Variants in LAMTOR5 observed in about 807,000 individuals in gnomAD.
LAMTOR5 encodes the protein late endosomal/lysosomal adaptor, MAPK and MTOR activator 5.
In LAMTOR5, 8 loss-of-function variants were observed where a neutral mutation model predicts 12.1. The ratio of observed to expected loss-of-function variants is 0.66; its 90% CI spans 0.39 to 1.19. The LOEUF is 1.19. Among genes scored for constraint, LAMTOR5 ranks in the 50% most tolerant of loss-of-function variants. LAMTOR5 has a pLI of 0.01. For missense variants in LAMTOR5, 110 were observed against 112.8 expected, an observed-to-expected ratio of 0.97 and a Z score of 0.11; for synonymous variants, 37 against 41.9, an observed-to-expected ratio of 0.88 and a Z score of 0.45.
chr1:110,405,275 C>T (rs1294063534), intron 2 of LAMTOR5, among the ~76,000 whole-genome samples: 2 of 151,906 alleles, frequency 1.3e-5, no homozygotes, highest in African/African-American at 4.8e-5. Flanking sequence ...ATTCTCCTGC[C>T]TCAGCCTCCC....
intron 1 of LAMTOR5, 163 bp downstream of exon 1, chr1:110,407,423 G>T (rs973457405): frequency 2.3e-6 from 2 of 874,388 alleles, no homozygotes; most frequent in African/African-American, 1.7e-5. Context: ...CACCCGCCCC[G>T]CCCTGCGGCC....
Position 110,406,312 on chromosome 1 carries a change from AC to A in LAMTOR5, c.97+5del. The A allele has an allele frequency of 2.5e-6, 4 of 1,588,786 alleles. No homozygotes were observed. Among genetic ancestry groups the A allele is most frequent in the Non-Finnish European group, 3.4e-6 (4 of 1,163,220 alleles). On this transcript the variant is annotated splice_donor_5th_base_variant and intron_variant, in intron 2 of 3. Transcript: ENST00000602318. ...TCATCAAATAGTTGGTATGAGAGAT[AC>A]TTACAACCCAGATTAAGTCCTTGTG...
intron 2 of LAMTOR5, among the ~76,000 whole-genome samples, chr1:110,405,041 T>G (rs2101110454): frequency 6.8e-6 from 1 of 146,046 alleles, no homozygotes; most frequent in East Asian, 2.1e-4. Flanking sequence ...GAGCAAGATT[T>G]CGTCTCAAAA....
chr1:110,402,312 G>A (rs760453716), intron 3 of LAMTOR5, among the ~76,000 whole-genome samples: 13 of 152,044 alleles, frequency 8.6e-5, no homozygotes, highest in Non-Finnish European at 1.9e-4. Flanking sequence ...GGGCAGTGGC[G>A]TGATCTCAGC....
At chr1:110,406,911 C>A in intron 1 of LAMTOR5, 1 of 496,334 alleles carries the variant, frequency 2.0e-6, no homozygotes, top group Non-Finnish European at 3.6e-6. Flanking sequence ...GTGCTAAGTA[C>A]TGCTGAGTTC....
chr1:110,406,848 T>G (rs1663340991), intron 1 of LAMTOR5: 1 of 432,728 alleles, frequency 2.3e-6, no homozygotes, highest in African/African-American at 2.0e-5. Flanking sequence ...AAAATTTAAG[T>G]TCTAGTTAAT....
Position 110,407,658 on chromosome 1 carries a change from A to G in LAMTOR5, c.-38T>C, listed in dbSNP as rs1461089215. 6.2e-7 allele frequency: 1 copy of G among 1,614,082 alleles called. No individual in the cohort carries two copies. Among genetic ancestry groups the G allele is most frequent in the Non-Finnish European group, 8.5e-7 (1 of 1,180,016 alleles). ...CCACTCCGGCTCAGAACCCAGCGGC[A>G]CGGCACGTCCTTCTCCACCACAGGC... On this transcript the variant is annotated 5_prime_UTR_variant, in exon 1 of 4. Transcript: ENST00000602318.
intron 1 of LAMTOR5, 49 bp downstream of exon 1, chr1:110,407,537 T>C (rs1228400078): frequency 6.3e-7 from 1 of 1,589,514 alleles, no homozygotes; most frequent in African/African-American, 1.3e-5. Context: ...TCCGCTCAAG[T>C]TCCTCCGCCG....
At chr1:110,404,077 G>A in intron 2 of LAMTOR5, 41 bp from the exon 3 acceptor site, 1 of 1,599,524 alleles carries the variant, frequency 6.3e-7, no homozygotes, top group Non-Finnish European at 8.5e-7. Context: ...ATTGCTCATA[G>A]AGTATTTCTG....
rs1663362131 is a variant in LAMTOR5 at position 110,407,611 on chromosome 1, T to A, written c.10A>T (p.Thr4Ser). 1 of 1,613,932 alleles carries A rather than the reference T, an allele frequency of 6.2e-7. No homozygotes were observed. Among genetic ancestry groups the A allele is most frequent in the East Asian group, 2.2e-5 (1 of 44,848 alleles). Reference protein sequence around the residue: MEATLEQHLEDTMK... With the variant: MEASLEQHLEDTMK... The stretch of plus-strand genomic sequence containing the variant: ...GTGTCTTCCAAGTGCTGCTCCAAGG[T>A]CGCCTCCATCCCACCCACCGACCAC... The change falls in exon 1 of 4, where the codon ACC (threonine) becomes TCC (serine). Residue 4 changes from threonine (T) to serine (S), a missense_variant. By Grantham distance (58) the Thr-to-Ser change is moderately conservative. Coordinates refer to ENST00000602318, the MANE Select transcript of LAMTOR5 (RefSeq NM_001382293.1).
rs768953245 is a variant in LAMTOR5 at position 110,406,369 on chromosome 1, G to A, written c.46C>T (p.Pro16Ser). 1 of 1,608,198 alleles carries A rather than the reference G, an allele frequency of 6.2e-7. No individual in the cohort carries two copies. Among genetic ancestry groups the A allele is most frequent in the Admixed American group, 1.7e-5 (1 of 59,220 alleles). Residue 16 changes from proline to serine, a missense_variant, in exon 2 of 4, where the codon CCC (proline) becomes TCC (serine). Pro to Ser is a moderately conservative substitution (Grantham distance 74). Coordinates refer to ENST00000602318, the MANE Select transcript of LAMTOR5 (RefSeq NM_001382293.1). ...GTGCACAGGACTCCAACAATGGAGG[G>A]ATTCTTCATTCTAATTCCAGGAACA... ...EQHLEDTMKN[P>S]SIVGVLCTDS...
intron 2 of LAMTOR5, 45 bp from the exon 3 acceptor site, chr1:110,404,081 A>G: frequency 6.3e-7 from 1 of 1,598,174 alleles, no homozygotes; most frequent in Non-Finnish European, 8.5e-7. Flanking sequence ...CTCATAGAGT[A>G]TTTCTGCTAA....
chr1:110,404,698 TTAAG>T (rs762891701), intron 2 of LAMTOR5, among the ~76,000 whole-genome samples: 8 of 152,220 alleles, frequency 5.3e-5, no homozygotes, highest in Non-Finnish European at 1.2e-4. Context: ...CTACCATTTA[TTAAG>T]TATTATGTCT....
chr1:110,401,790 CACAG>C (rs1570669546), intron 3 of LAMTOR5, among the ~76,000 whole-genome samples: 1 of 152,296 alleles, frequency 6.6e-6, no homozygotes, highest in East Asian at 1.9e-4. Flanking sequence ...TCCTACTACA[CACAG>C]ACAACCACTG....
chr1:110,404,673 C>T (rs1019329880), intron 2 of LAMTOR5, among the ~76,000 whole-genome samples: 4 of 152,180 alleles, frequency 2.6e-5, no homozygotes, highest in Non-Finnish European at 4.4e-5. Context: ...AAACTTATTT[C>T]CTCATGTGTA....
At chr1:110,407,160 T>C (rs975066635) in intron 1 of LAMTOR5, 7 of 612,552 alleles carry the variant, frequency 1.1e-5, no homozygotes, top group Non-Finnish European at 2.1e-5. Context: ...AGAATGATTT[T>C]TATCTACTTA....
chr1:110,404,066 G>A (rs1191960030), intron 2 of LAMTOR5, 30 bp from the exon 3 acceptor site: 12 of 1,609,778 alleles, frequency 7.5e-6, no homozygotes, highest in Non-Finnish European at 1.0e-5. Context: ...TATGTCACCT[G>A]ATTGCTCATA....
chr1:110,407,430 G>A (rs1663356365), intron 1 of LAMTOR5, 156 bp downstream of exon 1: 1 of 927,812 alleles, frequency 1.1e-6, no homozygotes, highest in Non-Finnish European at 1.6e-6. Flanking sequence ...CCCGCCCTGC[G>A]GCCTTGGGTA....
At chr1:110,403,500 C>T (rs1346122063) in intron 3 of LAMTOR5, 1 of 156,130 alleles carries the variant, frequency 6.4e-6, no homozygotes, top group Non-Finnish European at 1.4e-5. Flanking sequence ...GTCTCAGCTA[C>T]AACTCGGGAG....
Sources: gnomAD v4.1 joint callset for allele counts (sites outside exome capture counted in the v4.1 genomes callset) on GRCh38, gnomAD v4.1.1 for gene constraint, MANE v1.5 for transcripts, NCBI Gene and HGNC (gene_info 2026-07-23, HGNC 2026-07-21) for gene names.